The following ASXL3 variants were observed in gnomAD, a reference collection of about 807,000 sequenced individuals.
ASXL3 encodes the protein ASXL transcriptional regulator 3.
A neutral mutation model predicts 170.6 loss-of-function variants in ASXL3; 34 were observed. The ratio of observed to expected loss-of-function variants is 0.20; its 90% CI spans 0.15 to 0.27. The LOEUF (loss-of-function observed/expected upper bound fraction) is 0.27. Ranked by LOEUF, ASXL3 falls within the 10% of genes least tolerant of loss-of-function variation. The pLI, the probability that ASXL3 is intolerant of heterozygous loss-of-function variation, is 1.00. For synonymous variants in ASXL3, 1,002 were observed against 989.1 expected (o/e 1.01, Z -0.24); for missense variants, 2,592 against 2,695.3 (o/e 0.96, Z 0.85).
chr18:33,628,792 A>G (rs1555722349), intron 2 of ASXL3, among the ~76,000 whole-genome samples: 1 of 152,184 alleles, frequency 6.6e-6, no homozygotes, highest in Non-Finnish European at 1.5e-5. Context: ...TTTTAAGTAT[A>G]ACATGGTACA....
intron 4 of ASXL3, among the ~76,000 whole-genome samples, chr18:33,651,582 A>T (rs1009525356): frequency 2.0e-5 from 3 of 152,122 alleles, no homozygotes; most frequent in African/African-American, 7.2e-5. Context: ...ATTAACCATC[A>T]ATTTGTAACA....
At chr18:33,626,505 A>G (rs2065606042) in intron 2 of ASXL3, 1 of 150,832 alleles carries the variant, frequency 6.6e-6, no homozygotes, top group Non-Finnish European at 1.5e-5. Flanking sequence ...TTGCTATTCT[A>G]TCTGCTGGGT....
chr18:33,607,582 T>C lies in ASXL3; in HGVS notation c.55-12T>C, dbSNP rs773327108. ...CATGCAATAATCTAGGAATCTTATGTTTATATTTTAGGCACTAGAAAAACA... is the reference window on the plus strand; with the variant it reads ...CATGCAATAATCTAGGAATCTTATGCTTATATTTTAGGCACTAGAAAAACA... On this transcript the variant is annotated splice_polypyrimidine_tract_variant and intron_variant, in intron 1 of 11. Transcript: ENST00000269197. 2 of 1,560,990 alleles carry C rather than the reference T, an allele frequency of 1.3e-6. No individual in the cohort carries two copies. The highest frequency in any genetic ancestry group is 1.7e-6 in the Non-Finnish European group (2 of 1,147,548).
chr18:33,694,634 G>A (rs1040538437), intron 8 of ASXL3, among the ~76,000 whole-genome samples: 5 of 151,702 alleles, frequency 3.3e-5, no homozygotes, highest in South Asian at 4.2e-4. Context: ...GGTAATTGCA[G>A]CATTTTAGTC....
chr18:33,654,335 G>C (rs1185940917), intron 4 of ASXL3, among the ~76,000 whole-genome samples: 1 of 151,934 alleles, frequency 6.6e-6, no homozygotes, highest in South Asian at 2.1e-4. Flanking sequence ...TATATAATCT[G>C]TGACTGTAGA....
At chr18:33,619,581 T>G (rs1010033944) in intron 2 of ASXL3, among the ~76,000 whole-genome samples, 2 of 152,066 alleles carry the variant, frequency 1.3e-5, no homozygotes, top group African/African-American at 4.8e-5. Context: ...ATGACATATT[T>G]TAAATGTAAC....
intron 1 of ASXL3, among the ~76,000 whole-genome samples, chr18:33,594,075 A>G (rs181746561): frequency 2.0e-5 from 3 of 152,224 alleles, no homozygotes; most frequent in Admixed American, 1.3e-4. Context: ...CACTCTCAAA[A>G]CTTTTTCTGT....
chr18:33,620,388 A>G (rs1199852464), intron 2 of ASXL3, among the ~76,000 whole-genome samples: 1 of 152,098 alleles, frequency 6.6e-6, no homozygotes, highest in Non-Finnish European at 1.5e-5. Flanking sequence ...TCAGATCTTA[A>G]TTTCTTAAAT....
intron 2 of ASXL3, among the ~76,000 whole-genome samples, chr18:33,619,842 T>C (rs900505214): frequency 1.6e-4 from 25 of 152,112 alleles, no homozygotes; most frequent in Middle Eastern, 3.2e-3. Context: ...ATAGTTGAGA[T>C]TGTCTACCTC....
chr18:33,728,271 C>A (rs955201135), intron 8 of ASXL3, among the ~76,000 whole-genome samples: 8 of 152,132 alleles, frequency 5.3e-5, no homozygotes, highest in Non-Finnish European at 1.2e-4. Context: ...TCCTCAAATG[C>A]ACAATAATTC....
At chr18:33,643,337 C>G (rs1413977203) in intron 2 of ASXL3, among the ~76,000 whole-genome samples, 1 of 151,786 alleles carries the variant, frequency 6.6e-6, no homozygotes, top group Admixed American at 6.6e-5. Flanking sequence ...TCTCCAAATA[C>G]GAGAAAAATA....
intron 1 of ASXL3, among the ~76,000 whole-genome samples, chr18:33,593,192 C>T (rs2065093179): frequency 6.6e-6 from 1 of 151,286 alleles, no homozygotes; most frequent in South Asian, 2.1e-4. Context: ...AAGGGGAAAG[C>T]AGACACTGTA....
In ASXL3 at chr18:33,678,077, ATTATTTATTTAT is replaced by A. The variant is rs140094203; in HGVS notation, c.716-5305_716-5294del. On this transcript the variant is annotated intron_variant, in intron 7 of 11. Transcript: ENST00000269197. ...TGTTAATTTTATTATTTATGTATTTATTATTTATTTATTTATTTATTTATTTATTTATTTTGG... is the reference window on the plus strand; with the variant it reads ...TGTTAATTTTATTATTTATGTATTTATTATTTATTTATTTATTTATTTTGG... Among the ~76,000 whole-genome samples, 44 of 149,286 alleles carry A rather than the reference ATTATTTATTTAT, an allele frequency of 2.9e-4. 1 individual carries two copies. The highest frequency in any genetic ancestry group is 6.4e-4 in the African/African-American group (26 of 40,430).
At chr18:33,734,164 AAG>A (rs2067506102) in intron 9 of ASXL3, 144 bp from the exon 10 acceptor site, 2 of 369,812 alleles carry the variant, frequency 5.4e-6, no homozygotes, top group Non-Finnish European at 8.8e-6. Context: ...TGTTCATAAA[AAG>A]AGAAGATGTA....
chr18:33,718,000 C>A (rs1182518714), intron 8 of ASXL3, among the ~76,000 whole-genome samples: 3 of 152,054 alleles, frequency 2.0e-5, no homozygotes, highest in Non-Finnish European at 2.9e-5. Context: ...TACTTCACAT[C>A]AAAGATTAAA....
At chr18:33,635,692 T>C (rs929607883) in intron 2 of ASXL3, among the ~76,000 whole-genome samples, 6 of 152,152 alleles carry the variant, frequency 3.9e-5, no homozygotes, top group Non-Finnish European at 5.9e-5. Context: ...CACATTGTTA[T>C]GAAAGGGAGA....
At chr18:33,669,049 A>G (rs368802032) in intron 5 of ASXL3, among the ~76,000 whole-genome samples, 1 of 152,188 alleles carries the variant, frequency 6.6e-6, no homozygotes, top group African/African-American at 2.4e-5. Context: ...CATAATGGGC[A>G]AAGATGGACT....
intron 4 of ASXL3, among the ~76,000 whole-genome samples, chr18:33,650,491 G>T (rs909681494): frequency 1.3e-5 from 2 of 152,152 alleles, no homozygotes; most frequent in African/African-American, 2.4e-5. Flanking sequence ...AAGAAGTAAA[G>T]GGAGTTTTCA....
At chr18:33,658,101 A>G (rs934991228) in intron 4 of ASXL3, among the ~76,000 whole-genome samples, 65 of 152,230 alleles carry the variant, frequency 4.3e-4, no homozygotes, top group African/African-American at 1.4e-3. Context: ...TTTGATATTT[A>G]TTGGATAAAA....
Sources: gnomAD v4.1 joint callset for allele counts (sites outside exome capture counted in the v4.1 genomes callset) on GRCh38, gnomAD v4.1.1 for gene constraint, MANE v1.5 for transcripts, NCBI Gene and HGNC (gene_info 2026-07-23, HGNC 2026-07-21) for gene names.